LRRN2: variants seen among roughly 807,000 people sequenced by gnomAD.
LRRN2 encodes leucine rich repeat neuronal 2.
A neutral mutation model predicts 35.7 loss-of-function variants in LRRN2; 10 were observed. That is an observed-to-expected ratio of 0.28 (90% CI 0.17 to 0.47). LRRN2 has a LOEUF of 0.47. Among genes scored for constraint, LRRN2 ranks in the 20% least tolerant of loss-of-function variants. LRRN2 has a pLI of 0.99. For synonymous variants in LRRN2, 391 were observed against 409.6 expected, an observed-to-expected ratio of 0.95 and a Z score of 0.55; for missense variants, 731 against 940.3, an observed-to-expected ratio of 0.78 and a Z score of 2.91.
At chr1:204,630,219 C>T (rs995616904) in intron 1 of LRRN2, among the ~76,000 whole-genome samples, 2 of 150,908 alleles carry the variant, frequency 1.3e-5, no homozygotes, top group African/African-American at 2.4e-5. Flanking sequence ...CCACTGCTTT[C>T]GAGGTGAATG....
In LRRN2 at chr1:204,619,359, G is replaced by T; in HGVS notation, c.634C>A (p.Leu212Met). Residue 212 changes from leucine (L) to methionine (M), a missense_variant, in exon 2 of 2, where the codon CTG (leucine) becomes ATG (methionine). This residue lies in a region of LRRN2 where 246 missense variants were observed against 289.5 expected (regional missense o/e 0.85). Coordinates refer to ENST00000367177, the MANE Select transcript of LRRN2 (RefSeq NM_201630.2). ...DAILDMNFRPLANLRSLVLAG... is the reference protein window; with the variant it reads ...DAILDMNFRPMANLRSLVLAG... Reference sequence around the variant, plus strand: ...AGCACCAGGCTACGCAGGTTGGCCAGGGGCCGGAAGTTCATGTCCAGGATG... The same window carrying T: ...AGCACCAGGCTACGCAGGTTGGCCATGGGCCGGAAGTTCATGTCCAGGATG... 1.9e-6 allele frequency: 3 copies of T among 1,614,266 alleles called. No individual in the cohort carries two copies. The highest frequency in any genetic ancestry group is 2.5e-6 in the Non-Finnish European group (3 of 1,180,058).
chr1:204,618,587 T>A lies in LRRN2; in HGVS notation c.1406A>T (p.His469Leu), dbSNP rs958593430. 2 of 1,613,876 alleles carry A rather than the reference T, an allele frequency of 1.2e-6. No homozygotes were observed. The highest frequency in any genetic ancestry group is 2.7e-5 in the African/African-American group (2 of 74,944). The stretch of plus-strand genomic sequence containing the variant: ...GTACACCCGGTACCTCCTGCCTGCA[T>A]GGGCAGGTGTCAGTCGAAGCCCAGC... ...TPAGLRLTPA[H>L]AGRRYRVYPE... The change falls in exon 2 of 2, where the codon CAT becomes CTT. Residue 469 changes from histidine to leucine, a missense_variant. Transcript: ENST00000367177.
chr1:204,648,043 G>T (rs1668147937), intron 1 of LRRN2, among the ~76,000 whole-genome samples: 1 of 152,174 alleles, frequency 6.6e-6, no homozygotes, highest in South Asian at 2.1e-4. Context: ...CTGTGGATTA[G>T]AAAGACTTAG....
chr1:204,674,768 G>C (rs1056074588), intron 1 of LRRN2, among the ~76,000 whole-genome samples: 1 of 152,254 alleles, frequency 6.6e-6, no homozygotes, highest in Admixed American at 6.5e-5. Context: ...CAAAGAACAC[G>C]GACAGATCTG....
At chr1:204,666,561 A>T (rs1668577666) in intron 1 of LRRN2, among the ~76,000 whole-genome samples, 1 of 152,192 alleles carries the variant, frequency 6.6e-6, no homozygotes, top group African/African-American at 2.4e-5. Context: ...TGGTTAAATA[A>T]TTGTGGCACA....
At chr1:204,643,392 C>T (rs1668027866) in intron 1 of LRRN2, among the ~76,000 whole-genome samples, 1 of 152,168 alleles carries the variant, frequency 6.6e-6, no homozygotes, top group African/African-American at 2.4e-5. Context: ...CTTTTATCAA[C>T]TTTTGAGAGG....
At position 204,643,904 on chromosome 1, in the gene LRRN2, T is replaced by C. The variant is rs1668040032; in HGVS notation, c.-226-23686A>G. Among the ~76,000 whole-genome samples the C allele has an allele frequency of 2.0e-5, 3 of 152,090 alleles. No individual in the cohort carries two copies. In the South Asian group the frequency reaches 6.2e-4, roughly 32 times the overall value. ...CTGCCCTGGCCTCTTCCCACCAGTG[T>C]GACCTTGAACAAATTACTGAACCTC... On this transcript the variant is annotated intron_variant, in intron 1 of 1. Coordinates refer to ENST00000367177, the MANE Select transcript of LRRN2 (RefSeq NM_201630.2).
At position 204,627,810 on chromosome 1, in the gene LRRN2, C is replaced by T. The variant is rs925167875; in HGVS notation, c.-226-7592G>A. On this transcript the variant is annotated intron_variant, in intron 1 of 1. Coordinates refer to ENST00000367177, the MANE Select transcript of LRRN2 (RefSeq NM_201630.2). Reference sequence around the variant, plus strand: ...CATGATGCCCTAGTGTGCCTCCATCCTAAACTGGCTGGCTTGCTGTCTCCC... The same window carrying T: ...CATGATGCCCTAGTGTGCCTCCATCTTAAACTGGCTGGCTTGCTGTCTCCC... Among the ~76,000 whole-genome samples the T allele has an allele frequency of 3.9e-5, 6 of 152,170 alleles. No individual in the cohort carries two copies. In the East Asian group the frequency reaches 5.8e-4, roughly 15 times the overall value.
intron 1 of LRRN2, 123 bp downstream of exon 1, chr1:204,685,197 C>T (rs1251980815): frequency 6.6e-6 from 1 of 152,354 alleles, no homozygotes; most frequent in Non-Finnish European, 1.5e-5. Context: ...GAGCCAGGAG[C>T]CCTGAGGCGG....
Position 204,661,730 on chromosome 1 carries a change from G to A in LRRN2, c.-227+23590C>T, listed in dbSNP as rs542200707. ...GGCTGAGGGCTCCCGGATGCCCTTG[G>A]CAGGGAGGGTTAGAGGTTGACTATG... On this transcript the variant is annotated intron_variant, in intron 1 of 1. Coordinates refer to ENST00000367177, the MANE Select transcript of LRRN2 (RefSeq NM_201630.2). Among the ~76,000 whole-genome samples the A allele has an allele frequency of 3.9e-5, 6 of 152,330 alleles. No individual in the cohort carries two copies. In the South Asian group the frequency reaches 1.2e-3, roughly 32 times the overall value.
intron 1 of LRRN2, among the ~76,000 whole-genome samples, chr1:204,636,474 GC>G (rs1373287965): frequency 3.9e-5 from 6 of 152,210 alleles, no homozygotes; most frequent in Non-Finnish European, 8.8e-5. Flanking sequence ...AGTGGCTCGT[GC>G]CCGTAATCCC....
At position 204,617,931 on chromosome 1, in the gene LRRN2, G is replaced by C; in HGVS notation, c.2062C>G (p.Leu688Val). 1 of 1,614,050 alleles carries C rather than the reference G, an allele frequency of 6.2e-7. No homozygotes were observed. Among genetic ancestry groups the C allele is most frequent in the Non-Finnish European group, 8.5e-7 (1 of 1,180,044 alleles). ...SVRVVSAPLV[L>V]PWNPGRKLPR... ...AGCTTCCTCCCTGGATTCCAGGGCA[G>C]GACGAGGGGAGCAGACACAACCCGG... The change falls in exon 2 of 2, where the codon CTG (leucine) becomes GTG (valine). Residue 688 changes from leucine (L) to valine (V), a missense_variant. By Grantham distance (32) the Leu-to-Val change is conservative (BLOSUM62 1). Coordinates refer to ENST00000367177, the MANE Select transcript of LRRN2 (RefSeq NM_201630.2).
chr1:204,643,972 G>T (rs1668042223), intron 1 of LRRN2, among the ~76,000 whole-genome samples: 1 of 152,048 alleles, frequency 6.6e-6, no homozygotes, highest in African/African-American at 2.4e-5. Flanking sequence ...AATAATATAT[G>T]ACAGAGTTAT....
chr1:204,683,746 C>T (rs898323639), intron 1 of LRRN2, among the ~76,000 whole-genome samples: 1 of 152,144 alleles, frequency 6.6e-6, no homozygotes, highest in Non-Finnish European at 1.5e-5. Flanking sequence ...ATCCCAGGAC[C>T]AGAGAGAGCC....
At chr1:204,666,707 T>C (rs1668580207) in intron 1 of LRRN2, among the ~76,000 whole-genome samples, 1 of 152,148 alleles carries the variant, frequency 6.6e-6, no homozygotes, top group South Asian at 2.1e-4. Flanking sequence ...ATGCCTGTAA[T>C]CCCAGCTCTT....
At chr1:204,660,641 G>A (rs1334761938) in intron 1 of LRRN2, among the ~76,000 whole-genome samples, 1 of 150,728 alleles carries the variant, frequency 6.6e-6, no homozygotes, top group African/African-American at 2.5e-5. Context: ...CTTCTGCCTG[G>A]CTGTGCGTGT....
chr1:204,618,760 C>A lies in LRRN2; in HGVS notation c.1233G>T (p.Val411=), dbSNP rs757264511. The change falls in exon 2 of 2, where the codon GTG becomes GTT. Residue 411 remains valine (V), a synonymous_variant. Coordinates refer to ENST00000367177, the MANE Select transcript of LRRN2 (RefSeq NM_201630.2). ...AGTGGTCCGTCATCTCCCGGAAGGG[C>A]ACCTCACGGACCGGGAGGCGCTGGA... ...PDLQRLPVRE[V]PFREMTDHCL... 9 of 1,612,702 alleles carry A rather than the reference C, an allele frequency of 5.6e-6. No individual in the cohort carries two copies. Among genetic ancestry groups the A allele is most frequent in the Non-Finnish European group, 7.6e-6 (9 of 1,179,190 alleles).
At chr1:204,671,635 T>C (rs1176221176) in intron 1 of LRRN2, among the ~76,000 whole-genome samples, 2 of 111,274 alleles carry the variant, frequency 1.8e-5, no homozygotes, top group Non-Finnish European at 3.4e-5. Flanking sequence ...AGGAAGGTAA[T>C]TGATGGTAAA....
intron 1 of LRRN2, among the ~76,000 whole-genome samples, chr1:204,656,504 T>C (rs2102614271): frequency 6.6e-6 from 1 of 152,328 alleles, no homozygotes; most frequent in Middle Eastern, 3.4e-3. Context: ...TTCCACCTTG[T>C]TTTGGTAGAG....
Sources: allele counts gnomAD v4.1 joint callset (sites outside exome capture counted in the v4.1 genomes callset), GRCh38; gene constraint gnomAD v4.1.1; regional missense constraint gnomAD v4.1.1; transcripts MANE v1.5; gene names NCBI Gene and HGNC (gene_info 2026-07-23, HGNC 2026-07-21).